IL1RAPL1: variants seen among roughly 807,000 people sequenced by gnomAD.
The protein encoded by IL1RAPL1 is interleukin-1 receptor accessory protein-like 1.
In IL1RAPL1, 3 loss-of-function variants were observed where a neutral mutation model predicts 48.4. That is an observed-to-expected ratio of 0.06 (90% CI 0.03 to 0.16). The LOEUF (loss-of-function observed/expected upper bound fraction) is 0.16, where lower values mean the gene tolerates loss of function less well. Ranked by LOEUF, IL1RAPL1 falls within the 10% of genes least tolerant of loss-of-function variation. IL1RAPL1 has a pLI of 1.00. For missense variants in IL1RAPL1, 349 were observed against 530.6 expected, an observed-to-expected ratio of 0.66 and a Z score of 3.36; for synonymous variants, 185 against 187.7, an observed-to-expected ratio of 0.99 and a Z score of 0.12.
At chrX:28,853,491 G>GCGCA (rs1921723283) in intron 2 of IL1RAPL1, among the ~76,000 whole-genome samples, 1 of 104,196 alleles carries the variant, frequency 9.6e-6, no homozygotes, top group Admixed American at 1.0e-4. Flanking sequence ...GTGTGTGCGC[G>GCGCA]CGCACACACA....
At chrX:28,881,002 G>A (rs1236381634) in intron 2 of IL1RAPL1, among the ~76,000 whole-genome samples, 1 of 110,036 alleles carries the variant, frequency 9.1e-6, no homozygotes, top group African/African-American at 3.3e-5. Flanking sequence ...ATCTGTATTA[G>A]TCATTATTTT....
chrX:28,883,792 T>G (rs1189335663), intron 2 of IL1RAPL1, among the ~76,000 whole-genome samples: 1 of 112,602 alleles, frequency 8.9e-6, no homozygotes, highest in Non-Finnish European at 1.9e-5. Context: ...CATCTTTCAT[T>G]ATTTGTAACT....
At chrX:29,454,697 G>A (rs1934718741) in intron 5 of IL1RAPL1, among the ~76,000 whole-genome samples, 1 of 111,110 alleles carries the variant, frequency 9.0e-6, no homozygotes, top group Non-Finnish European at 1.9e-5. Flanking sequence ...TCAAAAATCA[G>A]CAAAGCTATA....
At chrX:29,748,020 G>A (rs961939879) in intron 6 of IL1RAPL1, among the ~76,000 whole-genome samples, 2 of 111,768 alleles carry the variant, frequency 1.8e-5, no homozygotes, top group African/African-American at 6.5e-5. Context: ...ACTAATTCTT[G>A]TCTCTGCTAC....
intron 2 of IL1RAPL1, among the ~76,000 whole-genome samples, chrX:28,816,784 C>T (rs928398147): frequency 1.9e-4 from 21 of 110,623 alleles, no homozygotes; most frequent in Non-Finnish European, 3.8e-4. Flanking sequence ...GGTTGAATGG[C>T]AGTTCTGCTT....
At chrX:28,883,215 C>G (rs1259306587) in intron 2 of IL1RAPL1, among the ~76,000 whole-genome samples, 1 of 111,620 alleles carries the variant, frequency 9.0e-6, no homozygotes, top group African/African-American at 3.3e-5. Flanking sequence ...TAATAAAAGC[C>G]TATGCAAACC....
At chrX:29,828,350 T>C (rs1286891141) in intron 6 of IL1RAPL1, among the ~76,000 whole-genome samples, 1 of 111,880 alleles carries the variant, frequency 8.9e-6, no homozygotes, top group Non-Finnish European at 1.9e-5. Context: ...CTTTAGAGAC[T>C]AGATGATTAA....
At chrX:29,075,868 T>C (rs1569231499) in intron 2 of IL1RAPL1, among the ~76,000 whole-genome samples, 1 of 112,003 alleles carries the variant, frequency 8.9e-6, no homozygotes, top group East Asian at 2.8e-4. Flanking sequence ...GAGTGCTTTC[T>C]CTCTACTTGT....
At chrX:29,489,119 C>T (rs533243649) in intron 5 of IL1RAPL1, among the ~76,000 whole-genome samples, 1 of 111,388 alleles carries the variant, frequency 9.0e-6, no homozygotes, top group African/African-American at 3.3e-5. Flanking sequence ...AGGGGAGTCT[C>T]GTGACATTTC....
Position 29,405,898 on chromosome X carries a change from C to A in IL1RAPL1, c.703+6590C>A, listed in dbSNP as rs138211108. ...ATATTCCGATTATACATATATTATG[C>A]CTTTTGAAATTATCTCTCAGTTCTT... On this transcript the variant is annotated intron_variant, in intron 5 of 10. Coordinates refer to ENST00000378993, the MANE Select transcript of IL1RAPL1 (RefSeq NM_014271.4). Among the ~76,000 whole-genome samples, 774 of 107,230 alleles carry A rather than the reference C, an allele frequency of 7.2e-3. 12 individuals are homozygous for A. Among genetic ancestry groups the A allele is most frequent in the African/African-American group, 0.026 (736 of 27,875 alleles). 93.1% of individuals were successfully genotyped at this position (107,230 alleles called of 115,157 possible). A position where few individuals can be genotyped will look rare whatever the true frequency, so the allele number is the denominator to read the frequency against.
chrX:29,496,232 C>T (rs1935211463), intron 5 of IL1RAPL1, among the ~76,000 whole-genome samples: 1 of 110,913 alleles, frequency 9.0e-6, no homozygotes, highest in Non-Finnish European at 1.9e-5. Flanking sequence ...TCTTTTAAAG[C>T]CACCATAATT....
intron 2 of IL1RAPL1, among the ~76,000 whole-genome samples, chrX:28,824,934 C>A (rs984195222): frequency 9.0e-6 from 1 of 111,464 alleles, no homozygotes. Context: ...TTTGTGTATT[C>A]ATTAGTTGCA....
intron 1 of IL1RAPL1, among the ~76,000 whole-genome samples, chrX:28,692,378 A>G (rs1935187934): frequency 9.0e-6 from 1 of 111,715 alleles, no homozygotes; most frequent in African/African-American, 3.3e-5. Context: ...GCAGATTTTC[A>G]CATCAGAAGG....
chrX:29,019,925 C>A (rs780579847), intron 2 of IL1RAPL1, among the ~76,000 whole-genome samples: 3 of 112,056 alleles, frequency 2.7e-5, no homozygotes, highest in Non-Finnish European at 5.6e-5. Flanking sequence ...TTTGTCAAAT[C>A]TTTCTATATC....
At chrX:29,856,109 G>A (rs1396433687) in intron 6 of IL1RAPL1, among the ~76,000 whole-genome samples, 3 of 111,900 alleles carry the variant, frequency 2.7e-5, no homozygotes, top group Non-Finnish European at 5.7e-5. Context: ...TCCATGAATT[G>A]AGAGTTTTGG....
intron 6 of IL1RAPL1, among the ~76,000 whole-genome samples, chrX:29,877,096 G>A (rs767653192): frequency 5.4e-5 from 6 of 111,393 alleles, no homozygotes; most frequent in Non-Finnish European, 1.1e-4. Context: ...TGTTTTATTT[G>A]GTTGGTGTTG....
chrX:29,416,895 C>G (rs1934224343), intron 5 of IL1RAPL1, among the ~76,000 whole-genome samples: 1 of 111,070 alleles, frequency 9.0e-6, no homozygotes, highest in Admixed American at 9.6e-5. Flanking sequence ...GTCACTGAGA[C>G]TCTAGTAATT....
chrX:28,904,538 T>C (rs964041207), intron 2 of IL1RAPL1, among the ~76,000 whole-genome samples: 43 of 112,234 alleles, frequency 3.8e-4, no homozygotes, highest in Non-Finnish European at 5.8e-4. Context: ...ATAATTTAAA[T>C]GTTTACATAA....
chrX:28,720,042 G>A (rs761894599), intron 1 of IL1RAPL1, among the ~76,000 whole-genome samples: 2 of 111,027 alleles, frequency 1.8e-5, no homozygotes, highest in African/African-American at 6.5e-5. Flanking sequence ...TGCAAATACC[G>A]TTGCATATCC....
Sources: allele counts gnomAD v4.1 joint callset (sites outside exome capture counted in the v4.1 genomes callset), GRCh38; gene constraint gnomAD v4.1.1; transcripts MANE v1.5; gene names NCBI Gene and HGNC (gene_info 2026-07-23, HGNC 2026-07-21).